Variants in RAB11FIP5 observed in about 807,000 individuals in gnomAD.
RAB11FIP5 encodes RAB11 family interacting protein 5, also known as rab11 family-interacting protein 5.
Under a neutral mutation model 85.1 loss-of-function variants are expected in RAB11FIP5, and 48 were observed. The ratio of observed to expected loss-of-function variants is 0.56; its 90% CI spans 0.45 to 0.72. The LOEUF (loss-of-function observed/expected upper bound fraction) is 0.72, where lower values mean the gene tolerates loss of function less well. RAB11FIP5 is among the 30% of genes least tolerant of loss of function. The pLI, the probability that RAB11FIP5 is intolerant of heterozygous loss-of-function variation, is 0.00. For missense variants in RAB11FIP5, 1,491 were observed against 1,687.0 expected, an observed-to-expected ratio of 0.88 and a Z score of 2.04; for synonymous variants, 729 against 727.3, an observed-to-expected ratio of 1.00 and a Z score of -0.04.
At position 73,085,461 on chromosome 2, in the gene RAB11FIP5, T is replaced by C. The variant is rs1684075208; in HGVS notation, c.1568+2589A>G. ...ACAATCCACTTTGGCCCTGGCGGGT[T>C]TAAAATGCGTGGTCTTGCCTGTCCT... On this transcript the variant is annotated intron_variant, in intron 3 of 5. Coordinates refer to ENST00000486777, the MANE Select transcript of RAB11FIP5 (RefSeq NM_001371272.1). Among the ~76,000 whole-genome samples the C allele has an allele frequency of 3.3e-5, 5 of 152,264 alleles. No homozygotes were observed. The South Asian group carries it at 1.0e-3, about 32-fold the overall frequency.
In RAB11FIP5 at chr2:73,075,883, C is replaced by G; in HGVS notation, c.3771+110G>C. The G allele has an allele frequency of 6.8e-7, 1 of 1,468,414 alleles. No homozygotes were observed. The highest frequency in any genetic ancestry group is 2.0e-5 in the Admixed American group (1 of 50,708). 91.0% of individuals were successfully genotyped at this position (1,468,414 alleles called of 1,614,324 possible). On this transcript the variant is annotated intron_variant, in intron 5 of 5. Coordinates refer to ENST00000486777, the MANE Select transcript of RAB11FIP5 (RefSeq NM_001371272.1). This position sits in a 1 kb window ranked among gnomAD's most constrained non-coding sequence, Gnocchi z 4.6. ...AGTCAGAGCCTAACTGGCTTCAGGA[C>G]TCTGATATGGGGGACCTGGCCTGCT...
At position 73,102,495 on chromosome 2, in the gene RAB11FIP5, AT is replaced by A. The variant is rs920170343; in HGVS notation, c.431+9851del. On this transcript the variant is annotated intron_variant, in intron 1 of 5. Transcript: ENST00000486777. Reference sequence around the variant, plus strand: ...ACAGCCCAGAGCAGAGGTTAAAAAAATTTTTTTTTAAGCCTGAACTAGGACA... The same window carrying A: ...ACAGCCCAGAGCAGAGGTTAAAAAAATTTTTTTTAAGCCTGAACTAGGACA... Among the ~76,000 whole-genome samples, 109 of 152,266 alleles carry A rather than the reference AT, an allele frequency of 7.2e-4. 1 individual carries two copies. The highest frequency in any genetic ancestry group is 6.8e-3 in the Middle Eastern group (2 of 294).
At chr2:73,099,055 T>C (rs1684380585) in intron 1 of RAB11FIP5, among the ~76,000 whole-genome samples, 1 of 150,094 alleles carries the variant, frequency 6.7e-6, no homozygotes, top group Admixed American at 6.6e-5. Flanking sequence ...TTTTTTCTTT[T>C]TTTTTTTTTT....
chr2:73,087,972 C>T, intron 3 of RAB11FIP5, 78 bp downstream of exon 3: 2 of 1,390,854 alleles, frequency 1.4e-6, no homozygotes, highest in South Asian at 1.4e-5. Context: ...CTACTCCTTC[C>T]TCCCTGCCCC....
intron 1 of RAB11FIP5, among the ~76,000 whole-genome samples, chr2:73,111,649 T>C (rs1489357000): frequency 6.6e-6 from 1 of 152,184 alleles, no homozygotes; most frequent in Non-Finnish European, 1.5e-5. Context: ...CCGCTGCCTC[T>C]ACCTCAGGCA....
Position 73,083,695 on chromosome 2 carries a change from C to T in RAB11FIP5, c.1569-2032G>A, listed in dbSNP as rs573504197. ...TCCAGACAAGCCCCAGGCCAAGGCA[C>T]ACATGCCTGCTGTGGGGACCAAGGG... On this transcript the variant is annotated intron_variant, in intron 3 of 5. Coordinates refer to ENST00000486777, the MANE Select transcript of RAB11FIP5 (RefSeq NM_001371272.1). Among the ~76,000 whole-genome samples the T allele has an allele frequency of 5.9e-5, 9 of 152,336 alleles. No homozygotes were observed. In the South Asian group the frequency reaches 1.9e-3, roughly 32 times the overall value.
chr2:73,095,657 T>C (rs1045257872), intron 1 of RAB11FIP5, among the ~76,000 whole-genome samples: 1 of 152,214 alleles, frequency 6.6e-6, no homozygotes, highest in Non-Finnish European at 1.5e-5. Flanking sequence ...GTTTGTAAGT[T>C]GCCCAGGGCC....
rs368135442 is a variant in RAB11FIP5 at position 73,103,104 on chromosome 2, C to T, written c.431+9243G>A. On this transcript the variant is annotated intron_variant, in intron 1 of 5. Coordinates refer to ENST00000486777, the MANE Select transcript of RAB11FIP5 (RefSeq NM_001371272.1). ...CCTCAAGCCAACCCCTGCTGTCTCC[C>T]CGCATCCACCGCCTACCCCATCTTT... Among the ~76,000 whole-genome samples the T allele has an allele frequency of 4.6e-5, 7 of 152,302 alleles. 1 individual carries two copies. In the East Asian group the frequency reaches 9.6e-4, roughly 21 times the overall value.
At position 73,088,749 on chromosome 2, in the gene RAB11FIP5, C is replaced by A; in HGVS notation, c.869G>T (p.Gly290Val). The A allele has an allele frequency of 6.3e-7, 1 of 1,580,396 alleles. No homozygotes were observed. Among genetic ancestry groups the A allele is most frequent in the Non-Finnish European group, 8.6e-7 (1 of 1,165,122 alleles). ...CTTGGGGGACTGTGCAGAGTCCCTGCCTGCAGGGGAAACACACAGAGTTAG... is the reference window on the plus strand; with the variant it reads ...CTTGGGGGACTGTGCAGAGTCCCTGACTGCAGGGGAAACACACAGAGTTAG... The part of the protein sequence containing the change: ...SRSSWLSTEG[G>V]RDSAQSPKLF... Residue 290 changes from glycine to valine, a missense_variant and splice_region_variant, in exon 3 of 6, where the codon GGC becomes GTC. Gly to Val is a moderately radical substitution (Grantham distance 109). This residue lies in a region of RAB11FIP5 where 1,211 missense variants were observed against 1,338.0 expected (regional missense o/e 0.91). Transcript: ENST00000486777.
Position 73,086,240 on chromosome 2 carries a change from C to G in RAB11FIP5, c.1568+1810G>C, listed in dbSNP as rs1684088512. Among the ~76,000 whole-genome samples, 1 of 152,218 alleles carries G rather than the reference C, an allele frequency of 6.6e-6. No homozygotes were observed. On this transcript the variant is annotated intron_variant, in intron 3 of 5. Transcript: ENST00000486777. The surrounding 1 kb of genome is among the most constrained non-coding windows in gnomAD (Gnocchi z 4.4). Reference sequence around the variant, plus strand: ...TGCAGCCGCCACCTGCAAATAGGCCCCATCTTGGGAGGGATGCTGAGTGCC... The same window carrying G: ...TGCAGCCGCCACCTGCAAATAGGCCGCATCTTGGGAGGGATGCTGAGTGCC...
At chr2:73,099,037 T>A (rs1181695558) in intron 1 of RAB11FIP5, among the ~76,000 whole-genome samples, 1 of 151,658 alleles carries the variant, frequency 6.6e-6, no homozygotes, top group Non-Finnish European at 1.5e-5. Flanking sequence ...TTTTTTGTTT[T>A]TTTTTTCTTT....
At position 73,081,712 on chromosome 2, in the gene RAB11FIP5, G is replaced by T; in HGVS notation, c.1569-49C>A. The T allele has an allele frequency of 1.6e-6, 2 of 1,228,898 alleles. No individual in the cohort carries two copies. The highest frequency in any genetic ancestry group is 2.0e-6 in the Non-Finnish European group (2 of 985,074). 76.1% of individuals were successfully genotyped at this position (1,228,898 alleles called of 1,614,324 possible). On this transcript the variant is annotated intron_variant, in intron 3 of 5. Coordinates refer to ENST00000486777, the MANE Select transcript of RAB11FIP5 (RefSeq NM_001371272.1). This position sits in a 1 kb window ranked among gnomAD's most constrained non-coding sequence, Gnocchi z 4.2. ...AGCCTCCTGGTTAATGCCAAGACTG[G>T]AAAGGCCCCTGAGTCCCACGCCCCA...
intron 1 of RAB11FIP5, among the ~76,000 whole-genome samples, chr2:73,092,307 G>C (rs1291577298): frequency 6.6e-6 from 1 of 152,182 alleles, no homozygotes; most frequent in African/African-American, 2.4e-5. Flanking sequence ...GACAGGTCAG[G>C]GGCCCTCAGC....
Position 73,080,663 on chromosome 2 carries a change from C to T in RAB11FIP5, c.2569G>A (p.Glu857Lys). 2 of 1,232,422 alleles carry T rather than the reference C, an allele frequency of 1.6e-6. No homozygotes were observed. Among genetic ancestry groups the T allele is most frequent in the Non-Finnish European group, 2.0e-6 (2 of 988,034 alleles). 76.3% of individuals were successfully genotyped at this position (1,232,422 alleles called of 1,614,324 possible). A position where few individuals can be genotyped will look rare whatever the true frequency, so the allele number is the denominator to read the frequency against. ...ASLVFRGESD[E>K]PAPQVQPESP... Reference sequence around the variant, plus strand: ...TCAGGCTGCACCTGGGGAGCAGGCTCATCAGACTCTCCCCGAAAGACTAGT... The same window carrying T: ...TCAGGCTGCACCTGGGGAGCAGGCTTATCAGACTCTCCCCGAAAGACTAGT... Residue 857 changes from glutamate (E) to lysine (K), a missense_variant, in exon 4 of 6, where the codon GAG becomes AAG. Transcript: ENST00000486777.
chr2:73,107,641 G>A (rs902182241), intron 1 of RAB11FIP5, among the ~76,000 whole-genome samples: 8 of 152,216 alleles, frequency 5.3e-5, no homozygotes, highest in South Asian at 2.1e-4. Flanking sequence ...TTCCTACCCC[G>A]CCCCACACCC....
chr2:73,112,250 GCT>G, intron 1 of RAB11FIP5, 95 bp downstream of exon 1: 4 of 1,308,182 alleles, frequency 3.1e-6, no homozygotes, highest in Non-Finnish European at 4.0e-6. Context: ...CGAGGCAAGG[GCT>G]CACTGGCCCG....
chr2:73,093,915 G>A (rs1352100898), intron 1 of RAB11FIP5, among the ~76,000 whole-genome samples: 6 of 152,218 alleles, frequency 3.9e-5, no homozygotes, highest in African/African-American at 1.4e-4. Context: ...GAGGCCAGGA[G>A]TTTGAGACCT....
rs1232162094 is a variant in RAB11FIP5 at position 73,089,497 on chromosome 2, T to C, written c.432-182A>G. On this transcript the variant is annotated intron_variant, in intron 1 of 5. Coordinates refer to ENST00000486777, the MANE Select transcript of RAB11FIP5 (RefSeq NM_001371272.1). The surrounding 1 kb of genome is among the most constrained non-coding windows in gnomAD (Gnocchi z 4.6). ...GGCTTCAGATGCAGCTGAGAAACTA[T>C]CCAAAACATTTCCATGATGGAGAAA... The C allele has an allele frequency of 4.2e-6, 3 of 709,620 alleles. No individual in the cohort carries two copies. Among genetic ancestry groups the C allele is most frequent in the Admixed American group, 2.2e-5 (1 of 45,344 alleles). The allele number at this position is 709,620 out of a possible 1,614,324, so 44.0% of individuals were successfully genotyped here.
chr2:73,094,120 CAAAAAAAA>C (rs550613252), intron 1 of RAB11FIP5, among the ~76,000 whole-genome samples: 2 of 84,656 alleles, frequency 2.4e-5, no homozygotes, highest in African/African-American at 3.7e-5. Context: ...GACTTTGTCT[CAAAAAAAA>C]AAAAAAAAAA....
Sources: gnomAD v4.1 joint callset for allele counts (sites outside exome capture counted in the v4.1 genomes callset) on GRCh38, gnomAD v4.1.1 for gene constraint, gnomAD v4.1.1 regional missense constraint, Gnocchi (gnomAD v3.1) non-coding constraint, MANE v1.5 for transcripts, NCBI Gene and HGNC (gene_info 2026-07-23, HGNC 2026-07-21) for gene names.